SLC38A9: variants seen among roughly 807,000 people sequenced by gnomAD.
The protein encoded by SLC38A9 is neutral amino acid transporter 9.
A neutral mutation model predicts 62.3 loss-of-function variants in SLC38A9; 48 were observed. The ratio of observed to expected loss-of-function variants is 0.77; its 90% CI spans 0.61 to 0.98. The LOEUF is 0.98. SLC38A9 is among the 50% of genes least tolerant of loss of function. The pLI, the probability that SLC38A9 is intolerant of heterozygous loss-of-function variation, is 0.00. For missense variants in SLC38A9, 541 were observed against 679.8 expected (o/e 0.80, Z 2.27); for synonymous variants, 204 against 227.7 (o/e 0.90, Z 0.94).
intron 4 of SLC38A9, among the ~76,000 whole-genome samples, chr5:55,672,022 A>C (rs1751412626): frequency 6.6e-6 from 1 of 151,914 alleles, no homozygotes; most frequent in South Asian, 2.1e-4. Flanking sequence ...TAATTAAAAA[A>C]ATTTTTTTTT....
At chr5:55,630,086 G>A (rs893806076) in intron 14 of SLC38A9, among the ~76,000 whole-genome samples, 1 of 152,100 alleles carries the variant, frequency 6.6e-6, no homozygotes, top group African/African-American at 2.4e-5. Flanking sequence ...GCTACCACTC[G>A]TCAGGTTTTG....
At position 55,633,780 on chromosome 5, in the gene SLC38A9, G is replaced by C. The variant is rs773845618; in HGVS notation, c.1404C>G (p.Gly468=). 48 of 1,614,138 alleles carry C rather than the reference G, an allele frequency of 3.0e-5. 2 individuals are homozygous for C. In the South Asian group the frequency reaches 5.3e-4, roughly 18 times the overall value. ...LGYLARVQLL[G]HIFGDIYPSI... ...TAGGATAAATGTCACCGAAGATATG[G>C]CCCAAAAGCTGGACACGAGCCAGGT... The change falls in exon 14 of 16, where the codon GGC becomes GGG. Residue 468 remains glycine, a synonymous_variant. Transcript: ENST00000396865.
At chr5:55,647,877 G>A (rs1360633516) in intron 11 of SLC38A9, among the ~76,000 whole-genome samples, 1 of 152,146 alleles carries the variant, frequency 6.6e-6, no homozygotes, top group Non-Finnish European at 1.5e-5. Flanking sequence ...CATATTCACA[G>A]AGTTGTACAA....
intron 8 of SLC38A9, among the ~76,000 whole-genome samples, chr5:55,660,719 AC>A (rs1455609043): frequency 6.6e-6 from 1 of 152,048 alleles, no homozygotes; most frequent in Non-Finnish European, 1.5e-5. Flanking sequence ...TGTGAAAGAA[AC>A]TCTTCCTACA....
intron 3 of SLC38A9, among the ~76,000 whole-genome samples, chr5:55,674,811 G>A (rs752056242): frequency 6.6e-6 from 1 of 152,154 alleles, no homozygotes; most frequent in Non-Finnish European, 1.5e-5. Context: ...TTGGTAGTCT[G>A]CTGTAACTAC....
intron 3 of SLC38A9, among the ~76,000 whole-genome samples, chr5:55,681,244 A>G (rs1752957576): frequency 6.6e-6 from 1 of 152,250 alleles, no homozygotes; most frequent in Admixed American, 6.5e-5. Flanking sequence ...AAAGCTGCTA[A>G]TAACCGCATT....
chr5:55,630,471 C>T (rs1484899767), intron 14 of SLC38A9, among the ~76,000 whole-genome samples: 2 of 152,040 alleles, frequency 1.3e-5, no homozygotes, highest in African/African-American at 4.8e-5. Flanking sequence ...GCGCCTGCCA[C>T]TACGCCAGGC....
intron 3 of SLC38A9, among the ~76,000 whole-genome samples, chr5:55,678,486 G>C (rs1436601841): frequency 1.3e-5 from 2 of 151,824 alleles, no homozygotes; most frequent in Non-Finnish European, 2.9e-5. Flanking sequence ...GAAAACACTA[G>C]TATTTTGAGC....
At chr5:55,674,096 A>G (rs1185151103) in intron 3 of SLC38A9, among the ~76,000 whole-genome samples, 1 of 152,206 alleles carries the variant, frequency 6.6e-6, no homozygotes, top group Admixed American at 6.5e-5. Flanking sequence ...ATTCTGTGAT[A>G]TTTGAGAAAT....
rs1744242260 is a variant in SLC38A9, at chr5:55,635,562, G to A, written c.1263C>T (p.Ser421=). 6.2e-7 allele frequency: 1 copy of A among 1,612,262 alleles called. No individual in the cohort carries two copies. The change falls in exon 13 of 16, where the codon TCC becomes TCT. Residue 421 remains serine (S), a synonymous_variant. Transcript: ENST00000396865. ...VFASFPSPPL[S]KDCIEQNFLD... ...GCCTTACCTGCTCAATACAATCTTT[G>A]GATAATGGTGGTGAAGGAAATGAAG...
chr5:55,693,149 G>A (rs1754976361), intron 3 of SLC38A9: 13 of 259,928 alleles, frequency 5.0e-5, no homozygotes, highest in Non-Finnish European at 7.8e-5. Flanking sequence ...CTACCTAACA[G>A]TATCTGCCAC....
At chr5:55,629,211 AT>A (rs1742991469) in intron 14 of SLC38A9, among the ~76,000 whole-genome samples, 1 of 150,948 alleles carries the variant, frequency 6.6e-6, no homozygotes. Flanking sequence ...ATTTTAATTA[AT>A]TATTATTATT....
intron 4 of SLC38A9, among the ~76,000 whole-genome samples, chr5:55,670,122 G>A (rs7448223): frequency 0.6 from 90,843 of 151,724 alleles, 27,789 homozygotes; most frequent in South Asian, 0.7. Flanking sequence ...CCACCACCAC[G>A]CCTGGCTAAT....
chr5:55,655,140 GC>G (rs1388599578), intron 9 of SLC38A9, among the ~76,000 whole-genome samples: 1 of 152,122 alleles, frequency 6.6e-6, no homozygotes, highest in Non-Finnish European at 1.5e-5. Flanking sequence ...ATGCTCAGCA[GC>G]TAAAATTTTT....
At chr5:55,659,451 G>C (rs1157237598) in intron 8 of SLC38A9, among the ~76,000 whole-genome samples, 3 of 141,868 alleles carry the variant, frequency 2.1e-5, no homozygotes, top group African/African-American at 5.2e-5. Flanking sequence ...GCAGTGGCAC[G>C]ATCTTGGCTC....
intron 14 of SLC38A9, among the ~76,000 whole-genome samples, chr5:55,630,091 G>C (rs867034726): frequency 6.6e-6 from 1 of 152,148 alleles, no homozygotes; most frequent in African/African-American, 2.4e-5. Context: ...CACTCGTCAG[G>C]TTTTGGCACA....
At chr5:55,656,917 G>A (rs1283763710) in intron 8 of SLC38A9, 143 bp from the exon 9 acceptor site, 4 of 380,624 alleles carry the variant, frequency 1.1e-5, no homozygotes, top group Non-Finnish European at 1.8e-5. Context: ...CTAGAGTGCA[G>A]TGGCACGATC....
At chr5:55,644,330 TGCTATTTGTTTTCTATTTGTC>T (rs929115070) in intron 12 of SLC38A9, among the ~76,000 whole-genome samples, 4 of 149,242 alleles carry the variant, frequency 2.7e-5, no homozygotes, top group African/African-American at 7.4e-5. Context: ...TCTACTATGT[TGCTATTTGTTTTCTATTTGTC>T]ACTATTTGTT....
chr5:55,682,997 G>C lies in SLC38A9; in HGVS notation c.114-10302C>G, dbSNP rs144858233. On this transcript the variant is annotated intron_variant, in intron 3 of 15. Coordinates refer to ENST00000396865, the MANE Select transcript of SLC38A9 (RefSeq NM_173514.4). Reference sequence around the variant, plus strand: ...GGAGGAAAAGAGGGAGGGAGGGAGGGAAGAAAGATGGCAGGGAGGTGGGGA... The same window carrying C: ...GGAGGAAAAGAGGGAGGGAGGGAGGCAAGAAAGATGGCAGGGAGGTGGGGA... Among the ~76,000 whole-genome samples, 165 of 144,246 alleles carry C rather than the reference G, an allele frequency of 1.1e-3. 2 individuals carry two copies. In the East Asian group the frequency reaches 0.032, roughly 28 times the overall value. 94.6% of individuals were successfully genotyped at this position (144,246 alleles called of 152,430 possible).
Sources: allele counts gnomAD v4.1 joint callset (sites outside exome capture counted in the v4.1 genomes callset), GRCh38; gene constraint gnomAD v4.1.1; transcripts MANE v1.5; gene names NCBI Gene and HGNC (gene_info 2026-07-23, HGNC 2026-07-21).